SPRY3: variants seen among roughly 807,000 people sequenced by gnomAD.
SPRY3 encodes the protein protein sprouty homolog 3.
A neutral mutation model predicts 20.2 loss-of-function variants in SPRY3; 15 were observed. The observed-to-expected ratio is 0.74, with a 90% CI of 0.50 to 1.14. The LOEUF is 1.14. Ranked by LOEUF, SPRY3 falls within the 50% of genes most tolerant of loss-of-function variation. The pLI is 0.00. For synonymous variants in SPRY3, 143 were observed against 136.5 expected (o/e 1.05, Z -0.33); for missense variants, 364 against 363.9 (o/e 1.00, Z 0.00).
At chrX:155,628,843 A>G (rs2067896558) in intron 1 of SPRY3, among the ~76,000 whole-genome samples, 1 of 111,839 alleles carries the variant, frequency 8.9e-6, no homozygotes, top group Non-Finnish European at 1.9e-5. Context: ...CCTAATAGGA[A>G]TGAGGCAATA....
intron 2 of SPRY3, among the ~76,000 whole-genome samples, chrX:155,680,894 TA>T (rs1265750025): frequency 2.7e-5 from 3 of 111,667 alleles, no homozygotes; most frequent in African/African-American, 9.8e-5. Flanking sequence ...TTGATGTTAC[TA>T]TTGTAATTAT....
chrX:155,715,847 C>T (rs1201056479), intron 2 of SPRY3, among the ~76,000 whole-genome samples: 1 of 152,166 alleles, frequency 6.6e-6, no homozygotes, highest in Middle Eastern at 3.2e-3. Flanking sequence ...GACAGGGCAG[C>T]ACTGAGTTTA....
At chrX:155,657,243 C>T (rs2124549273) in intron 2 of SPRY3, among the ~76,000 whole-genome samples, 1 of 112,099 alleles carries the variant, frequency 8.9e-6, no homozygotes, top group Non-Finnish European at 1.9e-5. Flanking sequence ...GGTGCTCTGT[C>T]TCAGGGAGAT....
At chrX:155,659,437 A>G (rs1184371019) in intron 2 of SPRY3, among the ~76,000 whole-genome samples, 14 of 110,353 alleles carry the variant, frequency 1.3e-4, no homozygotes, top group African/African-American at 4.6e-4. Context: ...GCGCCACCAC[A>G]CCCAGCCTTT....
At chrX:155,641,666 T>G (rs1211546163) in intron 1 of SPRY3, among the ~76,000 whole-genome samples, 1 of 115,094 alleles carries the variant, frequency 8.7e-6, no homozygotes, top group Non-Finnish European at 1.9e-5. Context: ...GTATCAGATC[T>G]TGAGGAAAAC....
At chrX:155,770,102 A>G (rs992768683) in intron 3 of SPRY3, among the ~76,000 whole-genome samples, 2 of 152,206 alleles carry the variant, frequency 1.3e-5, no homozygotes, top group African/African-American at 4.8e-5. Context: ...GCCGTTACAC[A>G]GTAGGGTACA....
intron 2 of SPRY3, among the ~76,000 whole-genome samples, chrX:155,686,421 A>G (rs2068088277): frequency 8.9e-6 from 1 of 111,833 alleles, no homozygotes; most frequent in Non-Finnish European, 1.9e-5. Context: ...TTGTAAGTTT[A>G]GTTTTCAAAG....
At chrX:155,700,564 G>A (rs371498070) in intron 2 of SPRY3, among the ~76,000 whole-genome samples, 7 of 100,209 alleles carry the variant, frequency 7.0e-5, no homozygotes, top group African/African-American at 2.8e-4. Flanking sequence ...TAAACAAAAT[G>A]TGGCATATAC....
chrX:155,672,833 A>C (rs1185203002), intron 2 of SPRY3, among the ~76,000 whole-genome samples: 1 of 103,734 alleles, frequency 9.6e-6, no homozygotes, highest in East Asian at 3.1e-4. Context: ...CAACAATGAT[A>C]GACTGGATTA....
At chrX:155,625,479 T>C (rs940561683) in intron 1 of SPRY3, among the ~76,000 whole-genome samples, 5 of 111,913 alleles carry the variant, frequency 4.5e-5, no homozygotes, top group Non-Finnish European at 7.5e-5. Context: ...TCTTAATTGG[T>C]CATTATGTTT....
chrX:155,678,319 A>G (rs1436965831), intron 2 of SPRY3, among the ~76,000 whole-genome samples: 3 of 112,120 alleles, frequency 2.7e-5, no homozygotes, highest in African/African-American at 9.7e-5. Flanking sequence ...AGTTCCTATA[A>G]TATTATCAAG....
In SPRY3 at chrX:155,685,739, G is replaced by C. The variant is rs757016802; in HGVS notation, c.-282+28714G>C. ...CCATCCATGTCCCTACAAAGGACATGATCTTGTTCTTTTTTATAGCTGCAT... is the reference window on the plus strand; with the variant it reads ...CCATCCATGTCCCTACAAAGGACATCATCTTGTTCTTTTTTATAGCTGCAT... On this transcript the variant is annotated intron_variant, in intron 2 of 3. Transcript: ENST00000675360. Among the ~76,000 whole-genome samples the C allele has an allele frequency of 4.6e-5, 5 of 108,872 alleles. No homozygotes were observed. In the South Asian group the frequency reaches 2.0e-3, roughly 43 times the overall value. 94.5% of individuals were successfully genotyped at this position (108,872 alleles called of 115,157 possible).
Position 155,762,549 on chromosome X carries a change from A to T in SPRY3, c.-281-5413A>T, listed in dbSNP as rs768077950. 8.5e-5 allele frequency among the ~76,000 whole-genome samples: 13 copies of T among 152,328 alleles called. No individual in the cohort carries two copies. In the South Asian group the frequency reaches 1.9e-3, roughly 22 times the overall value. On this transcript the variant is annotated intron_variant, in intron 2 of 3. Transcript: ENST00000675360. ...CAGAGAGAAAGGTTAAATAGATGCT[A>T]AAGCTTCAAACTTGTGTAACTAAAG...
chrX:155,767,636 G>A (rs192300265), intron 2 of SPRY3, among the ~76,000 whole-genome samples: 6,482 of 147,886 alleles, frequency 0.044, 189 homozygotes, highest in Middle Eastern at 0.092. Flanking sequence ...ATACTGGAGG[G>A]GGAGGGGGAA....
intron 3 of SPRY3, 96 bp from the exon 3 acceptor site, chrX:155,773,670 G>A (rs2091398423): frequency 1.6e-6 from 1 of 610,378 alleles, no homozygotes; most frequent in African/African-American, 1.8e-5. Flanking sequence ...AGTAATTGAA[G>A]GTAGTGGTGG....
intron 1 of SPRY3, among the ~76,000 whole-genome samples, chrX:155,631,085 C>A (rs1403604638): frequency 1.8e-5 from 2 of 110,840 alleles, no homozygotes; most frequent in East Asian, 5.7e-4. Context: ...CTTTTCAACC[C>A]TCACCCCTCC....
chrX:155,706,706 G>A (rs1251118917), intron 2 of SPRY3, among the ~76,000 whole-genome samples: 2 of 150,890 alleles, frequency 1.3e-5, no homozygotes, highest in Non-Finnish European at 3.0e-5. Flanking sequence ...GGAATATTAA[G>A]AACAACTTTA....
rs150150081 is a variant in SPRY3 at position 155,664,666 on chromosome X, G to C, written c.-282+7641G>C. ...ATATTTGGTTACCCTTATGGAAACA[G>C]ATAAAATTAGATCAATACTTTACAC... On this transcript the variant is annotated intron_variant, in intron 2 of 3. Coordinates refer to ENST00000675360, the Ensembl canonical transcript of SPRY3. Among the ~76,000 whole-genome samples, 763 of 110,232 alleles carry C rather than the reference G, an allele frequency of 6.9e-3. 6 individuals are homozygous for C. Among genetic ancestry groups the C allele is most frequent in the African/African-American group, 0.024 (725 of 30,545 alleles).
intron 2 of SPRY3, among the ~76,000 whole-genome samples, chrX:155,709,550 A>C: frequency 6.6e-6 from 1 of 151,680 alleles, no homozygotes. Flanking sequence ...CTCCTTATTT[A>C]TTCTGATTAT....
Sources: allele counts gnomAD v4.1 joint callset (sites outside exome capture counted in the v4.1 genomes callset), GRCh38; gene constraint gnomAD v4.1.1; transcripts MANE v1.5; gene names NCBI Gene and HGNC (gene_info 2026-07-23, HGNC 2026-07-21).